The following ETFBKMT variants were observed in gnomAD, a reference collection of about 807,000 sequenced individuals.
ETFBKMT encodes the protein electron transfer flavoprotein beta subunit lysine methyltransferase.
A neutral mutation model predicts 18.3 loss-of-function variants in ETFBKMT; 13 were observed. The ratio of observed to expected loss-of-function variants is 0.71; its 90% CI spans 0.46 to 1.13. The LOEUF (loss-of-function observed/expected upper bound fraction) is 1.13, where lower values mean the gene tolerates loss of function less well. Ranked by LOEUF, ETFBKMT falls within the 50% of genes most tolerant of loss-of-function variation. The probability of loss-of-function intolerance (pLI) is 0.00; values close to 1 mark genes in which losing one functional copy is unlikely to be tolerated. For synonymous variants in ETFBKMT, 84 were observed against 107.9 expected, an observed-to-expected ratio of 0.78 and a Z score of 1.37; for missense variants, 293 against 306.2, an observed-to-expected ratio of 0.96 and a Z score of 0.32.
chr12:31,670,096 C>A lies in ETFBKMT; in HGVS notation c.*2106C>A, dbSNP rs1951248790. ...CGAACTCCTGACCTCAGGTGATCCA[C>A]CTGCCTCAGCCTCCCCAAGTGCTGG... On this transcript the variant is annotated 3_prime_UTR_variant, in exon 4 of 4. Coordinates refer to ENST00000357721, the MANE Select transcript of ETFBKMT (RefSeq NM_001135863.2). 6.6e-6 allele frequency: 1 copy of A among 152,280 alleles called. No individual in the cohort carries two copies. Among genetic ancestry groups the A allele is most frequent in the Non-Finnish European group, 1.5e-5 (1 of 68,114 alleles). 9.4% of individuals were successfully genotyped at this position (152,280 alleles called of 1,614,324 possible).
rs1565749244 is a variant in ETFBKMT at position 31,662,080 on chromosome 12, T to C, written c.127T>C (p.Leu43=). 1.2e-6 allele frequency: 2 copies of C among 1,614,210 alleles called. No individual in the cohort carries two copies. Among genetic ancestry groups the C allele is most frequent in the Non-Finnish European group, 8.5e-7 (1 of 1,180,028 alleles). The change falls in exon 2 of 4, where the codon TTG becomes CTG. Residue 43 remains leucine (L), a synonymous_variant. Coordinates refer to ENST00000357721, the MANE Select transcript of ETFBKMT (RefSeq NM_001135863.2). ...TCCCTGGAGAGGAGCTGGAAGCTTT[T>C]TGGACCCTGAGATAAAGGCTTTCCT... is the stretch of plus-strand genomic sequence containing the variant. ...QCPWRGAGSF[L]DPEIKAFLEE... is the part of the protein sequence containing the mutation.
intron 2 of ETFBKMT, among the ~76,000 whole-genome samples, chr12:31,663,906 TCTTTA>T (rs2054326066): frequency 6.6e-6 from 1 of 152,138 alleles, no homozygotes; most frequent in Non-Finnish European, 1.5e-5. Flanking sequence ...AAATTGCTCA[TCTTTA>T]CTTTTAGTTC....
Position 31,669,067 on chromosome 12 carries a change from T to C in ETFBKMT, c.*1077T>C, listed in dbSNP as rs563004336. Reference sequence around the variant, plus strand: ...AGCTAGACATGATGTATTGCATAAATAAACAAGTAAACTAAGGTAGCATGA... The same window carrying C: ...AGCTAGACATGATGTATTGCATAAACAAACAAGTAAACTAAGGTAGCATGA... On this transcript the variant is annotated 3_prime_UTR_variant, in exon 4 of 4. Coordinates refer to ENST00000357721, the MANE Select transcript of ETFBKMT (RefSeq NM_001135863.2). 2 of 152,334 alleles carry C rather than the reference T, an allele frequency of 1.3e-5. No individual in the cohort carries two copies. The highest frequency in any genetic ancestry group is 2.1e-4 in the South Asian group (1 of 4,830). 9.4% of individuals were successfully genotyped at this position (152,334 alleles called of 1,614,324 possible).
upstream of ETFBKMT, among the ~76,000 whole-genome samples, chr12:31,654,589 G>A (rs559980404): frequency 2.0e-5 from 3 of 152,102 alleles, no homozygotes; most frequent in East Asian, 1.9e-4. Flanking sequence ...ACACTACTTA[G>A]CAATATAAAG....
chr12:31,662,428 A>ACT (rs1373380785), intron 2 of ETFBKMT, among the ~76,000 whole-genome samples, 161 bp downstream of exon 2: 1 of 151,276 alleles, frequency 6.6e-6, no homozygotes, highest in Non-Finnish European at 1.5e-5. Flanking sequence ...CTGCCACTGC[A>ACT]CTCTCGCCTG....
At chr12:31,649,497 G>A (rs1470216314) in intron 1 of ETFBKMT, among the ~76,000 whole-genome samples, 5 of 152,026 alleles carry the variant, frequency 3.3e-5, no homozygotes, top group African/African-American at 1.2e-4. Context: ...CCCTGTGTCG[G>A]GCTAGTCTAT....
upstream of ETFBKMT, among the ~76,000 whole-genome samples, chr12:31,657,126 A>G (rs1274111749): frequency 6.6e-6 from 1 of 152,246 alleles, no homozygotes; most frequent in Admixed American, 6.5e-5. Flanking sequence ...TTGAAAAACC[A>G]AAAAACCCTT....
intron 2 of ETFBKMT, 58 bp downstream of exon 2, chr12:31,662,325 C>A: frequency 6.6e-7 from 1 of 1,520,826 alleles, no homozygotes; most frequent in East Asian, 2.3e-5. Context: ...TCAGTTCCCT[C>A]CAACCTCTAC....
chr12:31,654,145 G>A lies in ETFBKMT; in HGVS notation c.-114+6890G>A, dbSNP rs550918231. Among the ~76,000 whole-genome samples the A allele has an allele frequency of 2.6e-5, 4 of 152,008 alleles. No individual in the cohort carries two copies. The South Asian group carries it at 8.4e-4, about 32-fold the overall frequency. On this transcript the variant is annotated intron_variant, in intron 1 of 3. Transcript: ENST00000412352. ...GCTCACTGCAACCTCCACCTCCCGG[G>A]TTCAAGTGATTCTTCTGTCTCAGCC...
rs1259769182 is a variant in ETFBKMT at position 31,666,186 on chromosome 12, A to G, written c.414A>G (p.Ala138=). ...CTATTGCTGCTAAGATGAGTGGGGC[A>G]TCAAGGATCTTGGCCAATGACATAG... ...ATAIAAKMSG[A]SRILANDIDP... is the part of the protein sequence containing the mutation. The change falls in exon 3 of 4, where the codon GCA becomes GCG. Residue 138 remains alanine (A), a synonymous_variant. Coordinates refer to ENST00000357721, the MANE Select transcript of ETFBKMT (RefSeq NM_001135863.2). 6.2e-7 allele frequency: 1 copy of G among 1,614,026 alleles called. No homozygotes were observed. Among genetic ancestry groups the G allele is most frequent in the Non-Finnish European group, 8.5e-7 (1 of 1,180,000 alleles).
At chr12:31,655,571 T>G (rs191037732), upstream of ETFBKMT, among the ~76,000 whole-genome samples, 3 of 152,326 alleles carry the variant, frequency 2.0e-5, no homozygotes, top group Admixed American at 6.5e-5. Context: ...CCATTATTCT[T>G]CTACCTATCC....
intron 1 of ETFBKMT, among the ~76,000 whole-genome samples, chr12:31,654,087 T>TC (rs1377490309): frequency 6.6e-6 from 1 of 152,198 alleles, no homozygotes; most frequent in Non-Finnish European, 1.5e-5. Context: ...CCTCACCCTG[T>TC]CGTCCAGGCT....
chr12:31,648,843 G>T (rs1051973992), intron 1 of ETFBKMT, among the ~76,000 whole-genome samples: 2 of 151,884 alleles, frequency 1.3e-5, no homozygotes, highest in African/African-American at 4.8e-5. Flanking sequence ...TTACAGGCGT[G>T]AGCCACCGCG....
At chr12:31,650,555 T>C (rs908752663) in intron 1 of ETFBKMT, among the ~76,000 whole-genome samples, 3 of 151,960 alleles carry the variant, frequency 2.0e-5, no homozygotes, top group Non-Finnish European at 4.4e-5. Context: ...GAACCCTCTC[T>C]TGGGATCTGA....
chr12:31,647,771 G>A (rs1212406648), intron 1 of ETFBKMT, among the ~76,000 whole-genome samples: 3 of 152,254 alleles, frequency 2.0e-5, no homozygotes, highest in Admixed American at 6.5e-5. Context: ...GAAGGTTGCA[G>A]TGAGCCAAGA....
chr12:31,660,425 T>C (rs116923279), intron 1 of ETFBKMT, among the ~76,000 whole-genome samples: 4 of 152,274 alleles, frequency 2.6e-5, no homozygotes, highest in Admixed American at 6.5e-5. Flanking sequence ...ATTTAAAACA[T>C]TTATGCAGAA....
intron 2 of ETFBKMT, among the ~76,000 whole-genome samples, chr12:31,664,882 G>A (rs1053541140): frequency 1.3e-5 from 2 of 150,804 alleles, no homozygotes; most frequent in African/African-American, 4.9e-5. Context: ...CTAAAGTGCT[G>A]GGATTACAGG....
intron 2 of ETFBKMT, among the ~76,000 whole-genome samples, chr12:31,665,186 T>C (rs1951178525): frequency 6.6e-6 from 1 of 151,110 alleles, no homozygotes; most frequent in African/African-American, 2.4e-5. Flanking sequence ...ATCCACCTGC[T>C]CAGCCTCCCA....
intron 1 of ETFBKMT, among the ~76,000 whole-genome samples, chr12:31,649,800 G>A (rs77525383): frequency 0.04 from 5,749 of 144,756 alleles, 384 homozygotes; most frequent in East Asian, 0.27. Context: ...ATCTCTCTCC[G>A]TAGCGAAGTA....
Sources: gnomAD v4.1 joint callset for allele counts (sites outside exome capture counted in the v4.1 genomes callset) on GRCh38, gnomAD v4.1.1 for gene constraint, MANE v1.5 for transcripts, NCBI Gene and HGNC (gene_info 2026-07-23, HGNC 2026-07-21) for gene names.